Variants in SIGLEC1 observed in about 807,000 individuals in gnomAD.
SIGLEC1 encodes the protein sialoadhesin.
In SIGLEC1, 132 loss-of-function variants were observed where a neutral mutation model predicts 148.0. That is an observed-to-expected ratio of 0.89 (90% CI 0.77 to 1.03). The LOEUF (loss-of-function observed/expected upper bound fraction) is 1.03. Among genes scored for constraint, SIGLEC1 ranks in the 50% least tolerant of loss-of-function variants. SIGLEC1 has a pLI of 0.00. For synonymous variants in SIGLEC1, 945 were observed against 969.0 expected, an observed-to-expected ratio of 0.98 and a Z score of 0.46; for missense variants, 2,253 against 2,271.4, an observed-to-expected ratio of 0.99 and a Z score of 0.16.
rs2088824928 is a variant in SIGLEC1, at chr20:3,696,653, G to A, written c.2616C>T (p.Gly872=). ...EVRELGLGDS[G]SYRCEATNVL... ...CATTTGTGGCCTCACAGCGGTAGCT[G>A]CCAGAGTCCCCAAGGCCCAGTTCTC... The change falls in exon 11 of 22, where the codon GGC becomes GGT. Residue 872 remains glycine, a synonymous_variant. Transcript: ENST00000344754. The A allele has an allele frequency of 1.2e-6, 2 of 1,613,742 alleles. No individual in the cohort carries two copies. Among genetic ancestry groups the A allele is most frequent in the African/African-American group, 2.7e-5 (2 of 74,942 alleles).
rs374871269 is a variant in SIGLEC1, at chr20:3,700,554, G to A, written c.1528+788C>T. Among the ~76,000 whole-genome samples the A allele has an allele frequency of 7.9e-5, 12 of 151,826 alleles. 1 individual carries two copies. The highest frequency in any genetic ancestry group is 2.4e-4 in the African/African-American group (10 of 41,316). ...AGCCATGAACATACCATTGCACTCC[G>A]GCCTGGGCAACAGAGCAACACCCTA... On this transcript the variant is annotated intron_variant, in intron 7 of 21. Transcript: ENST00000344754.
In SIGLEC1 at chr20:3,699,406, T is replaced by G. The variant is rs1381686678; in HGVS notation, c.1582A>C (p.Thr528Pro). The change falls in exon 8 of 22, where the codon ACA (threonine) becomes CCA (proline). Residue 528 changes from threonine to proline, a missense_variant. By Grantham distance (38) the Thr-to-Pro change is conservative. Coordinates refer to ENST00000344754, the MANE Select transcript of SIGLEC1 (RefSeq NM_023068.4). ...AAEVVEGQAV[T>P]LSCRSGLSPT... ...CTTAGGCCGCTTCTGCAGCTCAGTG[T>G]CACTGCCTGTCCTTCCACCACCTCG... 6.8e-6 allele frequency: 11 copies of G among 1,609,688 alleles called. No homozygotes were observed. Among genetic ancestry groups the G allele is most frequent in the Non-Finnish European group, 9.3e-6 (11 of 1,178,784 alleles).
In SIGLEC1 at chr20:3,692,843, G is replaced by A. The variant is rs1786640880; in HGVS notation, c.3778+19C>T. 6.2e-7 allele frequency: 1 copy of A among 1,604,318 alleles called. No homozygotes were observed. The highest frequency in any genetic ancestry group is 8.5e-7 in the Non-Finnish European group (1 of 1,175,988). ...AGTGGGCTTCCATCCCAGTGGGCTT[G>A]GCCTAGGCCCTGCCTTACCCTCCAG... On this transcript the variant is annotated intron_variant, in intron 15 of 21. Coordinates refer to ENST00000344754, the MANE Select transcript of SIGLEC1 (RefSeq NM_023068.4).
Position 3,691,535 on chromosome 20 carries a change from G to A in SIGLEC1, c.4396C>T (p.Arg1466Cys), listed in dbSNP as rs375913210. The A allele has an allele frequency of 2.0e-5, 32 of 1,613,064 alleles. No individual in the cohort carries two copies. Among genetic ancestry groups the A allele is most frequent in the Admixed American group, 8.3e-5 (5 of 59,996 alleles). The change falls in exon 18 of 22, where the codon CGC (arginine) becomes TGC (cysteine). Residue 1466 changes from arginine to cysteine, a missense_variant. Transcript: ENST00000344754. The part of the protein sequence containing the change: ...PEGAALNLSC[R>C]LLGGPGPVGN... ...ACAGGCCCAGGGCCACCCAGGAGGCGGCAGCTGAGGTTCAGGGCAGCGCCC... is the reference window on the plus strand; with the variant it reads ...ACAGGCCCAGGGCCACCCAGGAGGCAGCAGCTGAGGTTCAGGGCAGCGCCC...
In SIGLEC1 at chr20:3,706,053, A is replaced by G. The variant is rs2087891225; in HGVS notation, c.410-13T>C. Reference sequence around the variant, plus strand: ...ACCCTGGGCTCCTCTGAGGACAGAGACAGCAGTGCTCAGGACCCGCTTTTG... The same window carrying G: ...ACCCTGGGCTCCTCTGAGGACAGAGGCAGCAGTGCTCAGGACCCGCTTTTG... On this transcript the variant is annotated splice_polypyrimidine_tract_variant and intron_variant, in intron 3 of 21. Coordinates refer to ENST00000344754, the MANE Select transcript of SIGLEC1 (RefSeq NM_023068.4). The G allele has an allele frequency of 6.2e-7, 1 of 1,607,968 alleles. No individual in the cohort carries two copies. Among genetic ancestry groups the G allele is most frequent in the East Asian group, 2.2e-5 (1 of 44,770 alleles).
At chr20:3,703,578 C>T in intron 5 of SIGLEC1, 127 bp from the exon 6 acceptor site, 1 of 1,272,994 alleles carries the variant, frequency 7.9e-7, no homozygotes, top group Admixed American at 2.6e-5. Flanking sequence ...CCTGCTGCTA[C>T]AGGGGAGCCT....
At chr20:3,693,930 T>C (rs2088793135) in intron 13 of SIGLEC1, among the ~76,000 whole-genome samples, 1 of 152,126 alleles carries the variant, frequency 6.6e-6, no homozygotes, top group Non-Finnish European at 1.5e-5. Context: ...CCTGAGCCCC[T>C]CCCTGACCCT....
At chr20:3,705,355 G>A (rs1250518802) in intron 4 of SIGLEC1, among the ~76,000 whole-genome samples, 4 of 152,118 alleles carry the variant, frequency 2.6e-5, no homozygotes, top group East Asian at 1.9e-4. Context: ...TGTTATCTTC[G>A]TCATAGACTG....
intron 6 of SIGLEC1, 138 bp downstream of exon 6, chr20:3,703,059 G>A (rs763885596): frequency 5.3e-6 from 5 of 936,554 alleles, no homozygotes; most frequent in South Asian, 1.4e-5. Flanking sequence ...GGTGTGCAGA[G>A]CTGGGACATG....
rs780922116 is a variant in SIGLEC1 at position 3,701,333 on chromosome 20, C to A, written c.1528+9G>T. 78 of 1,597,614 alleles carry A rather than the reference C, an allele frequency of 4.9e-5. No homozygotes were observed. Among genetic ancestry groups the A allele is most frequent in the Non-Finnish European group, 6.6e-5 (77 of 1,170,408 alleles). Reference sequence around the variant, plus strand: ...CTCCACTCTCCCTGGCTGCCAGTGCCCATCTTACCATTGGCATGGAAGTCC... The same window carrying A: ...CTCCACTCTCCCTGGCTGCCAGTGCACATCTTACCATTGGCATGGAAGTCC... On this transcript the variant is annotated intron_variant, in intron 7 of 21. Coordinates refer to ENST00000344754, the MANE Select transcript of SIGLEC1 (RefSeq NM_023068.4).
In SIGLEC1 at chr20:3,701,484, G is replaced by A; in HGVS notation, c.1386C>T (p.Ser462=). 1 of 1,614,120 alleles carries A rather than the reference G, an allele frequency of 6.2e-7. No homozygotes were observed. ...LASTSGDSDH[S]PRFSGTSGPN... is the part of the protein sequence containing the mutation. The stretch of plus-strand genomic sequence containing the variant: ...GACCAGAGGTACCACTGAAGCGTGG[G>A]CTGTGATCACTGTCCCCGGAGGTGG... Residue 462 remains serine (S), a synonymous_variant, in exon 7 of 22, where the codon AGC becomes AGT. Coordinates refer to ENST00000344754, the MANE Select transcript of SIGLEC1 (RefSeq NM_023068.4).
rs749812118 is a variant in SIGLEC1 at position 3,697,233 on chromosome 20, C to A, written c.2232G>T (p.Trp744Cys). Residue 744 changes from tryptophan (W) to cysteine (C), a missense_variant, in exon 10 of 22, where the codon TGG (tryptophan) becomes TGT (cysteine). Trp to Cys is a radical substitution (Grantham distance 215, BLOSUM62 -2). Coordinates refer to ENST00000344754, the MANE Select transcript of SIGLEC1 (RefSeq NM_023068.4). Reference protein sequence around the residue: ...EAAGSPANFSWFRNGVLWAQG... With the variant: ...EAAGSPANFSCFRNGVLWAQG... Reference sequence around the variant, plus strand: ...GGGCCCACAGCACCCCATTTCGGAACCAGGAGAAGTTAGCAGGGCTGCCAG... The same window carrying A: ...GGGCCCACAGCACCCCATTTCGGAAACAGGAGAAGTTAGCAGGGCTGCCAG... 3.1e-6 allele frequency: 5 copies of A among 1,613,972 alleles called. No homozygotes were observed. The South Asian group carries it at 5.5e-5, about 18-fold the overall frequency.
chr20:3,690,608 CAGA>C (rs1211055490), intron 18 of SIGLEC1, among the ~76,000 whole-genome samples: 8 of 152,210 alleles, frequency 5.3e-5, no homozygotes, highest in African/African-American at 1.4e-4. Flanking sequence ...GTGTGAACAA[CAGA>C]AGAACTCCCC....
rs376407154 is a variant in SIGLEC1, at chr20:3,696,882, G to A, written c.2387C>T (p.Pro796Leu). Residue 796 changes from proline (P) to leucine (L), a missense_variant, in exon 11 of 22, where the codon CCG (proline) becomes CTG (leucine). Pro to Leu is a moderately conservative substitution (Grantham distance 98, BLOSUM62 -3). Transcript: ENST00000344754. Reference protein sequence around the residue: ...TPVLLSVLYPPDRPKLSALLD... With the variant: ...TPVLLSVLYPLDRPKLSALLD... ...GAGGGCTGACAGCTTTGGACGGTCC[G>A]GGGGATCTGCAGGAACAGAGGGAGC... The A allele has an allele frequency of 1.9e-5, 30 of 1,549,026 alleles. No individual in the cohort carries two copies. Among genetic ancestry groups the A allele is most frequent in the East Asian group, 1.4e-4 (6 of 44,352 alleles).
rs1420126957 is a variant in SIGLEC1 at position 3,705,927 on chromosome 20, A to C, written c.523T>G (p.Trp175Gly). 1.2e-6 allele frequency: 2 copies of C among 1,614,162 alleles called. No individual in the cohort carries two copies. Residue 175 changes from tryptophan (W) to glycine (G), a missense_variant, in exon 4 of 22, where the codon TGG becomes GGG. By Grantham distance (184) the Trp-to-Gly change is radical (BLOSUM62 -2). Transcript: ENST00000344754. ...GAGCGAGCAGGGTCCTGGCCTTGCC[A>C]CTGCAGTCTGACCTGCTCCTGCAGG... ...VCLQEQVRLQ[W>G]QGQDPARSVT...
At position 3,688,369 on chromosome 20, in the gene SIGLEC1, C is replaced by T; in HGVS notation, c.*191G>A. 1.6e-6 allele frequency: 1 copy of T among 642,352 alleles called. No individual in the cohort carries two copies. Among genetic ancestry groups the T allele is most frequent in the Non-Finnish European group, 2.8e-6 (1 of 351,598 alleles). The allele number at this position is 642,352 out of a possible 1,614,324, so 39.8% of individuals were successfully genotyped here. A position where few individuals can be genotyped will look rare whatever the true frequency, so the allele number is the denominator to read the frequency against. The stretch of plus-strand genomic sequence containing the variant: ...CAGTGTCCTCCAGGGTCAACACCCT[C>T]CTGGGCAGACCTCTCACCACCCATT... On this transcript the variant is annotated 3_prime_UTR_variant, in exon 22 of 22. Transcript: ENST00000344754.
rs376399582 is a variant in SIGLEC1 at position 3,703,329 on chromosome 20, G to A, written c.1096C>T (p.Leu366=). ...GTATGGGAGTGGGCATCCTCCAGCA[G>A]GACATGGTTCTTGTACCAGCTGTAG... ...LRYSWYKNHV[L]LEDAHSHTLR... is the part of the protein sequence containing the mutation. The change falls in exon 6 of 22, where the codon CTG becomes TTG. Residue 366 remains leucine (L), a synonymous_variant. Transcript: ENST00000344754. 1 of 1,614,052 alleles carries A rather than the reference G, an allele frequency of 6.2e-7. No individual in the cohort carries two copies. Among genetic ancestry groups the A allele is most frequent in the Admixed American group, 1.7e-5 (1 of 60,006 alleles).
At position 3,694,291 on chromosome 20, in the gene SIGLEC1, C is replaced by T. The variant is rs2088798423; in HGVS notation, c.3186G>A (p.Glu1062=). 6.2e-7 allele frequency: 1 copy of T among 1,613,088 alleles called. No individual in the cohort carries two copies. Among genetic ancestry groups the T allele is most frequent in the Non-Finnish European group, 8.5e-7 (1 of 1,180,024 alleles). The part of the protein sequence containing the change: ...LEIHGAMLED[E]GVYICEASNT... The stretch of plus-strand genomic sequence containing the variant: ...TGGAGGCCTCACAGATATAGACACC[C>T]TCATCCTCCAGCATAGCCCCGTGGA... Residue 1062 remains glutamate, a synonymous_variant, in exon 13 of 22, where the codon GAG becomes GAA. Coordinates refer to ENST00000344754, the MANE Select transcript of SIGLEC1 (RefSeq NM_023068.4).
rs777199996 is a variant in SIGLEC1 at position 3,703,879 on chromosome 20, C to A, written c.919G>T (p.Ala307Ser). The A allele has an allele frequency of 1.2e-6, 2 of 1,614,000 alleles. No individual in the cohort carries two copies. Among genetic ancestry groups the A allele is most frequent in the Non-Finnish European group, 1.7e-6 (2 of 1,180,036 alleles). Residue 307 changes from alanine (A) to serine (S), a missense_variant, in exon 5 of 22, where the codon GCT becomes TCT. Ala to Ser is a moderately conservative substitution (Grantham distance 99). Coordinates refer to ENST00000344754, the MANE Select transcript of SIGLEC1 (RefSeq NM_023068.4). ...WSDAGVYTCQ[A>S]ENGVGSLVSP... is the part of the protein sequence containing the mutation. ...ACCAAAGAGCCCACGCCGTTCTCAG[C>A]TTGGCAGGTGTAGACGCCAGCATCG...
Sources: gnomAD v4.1 joint callset for allele counts (sites outside exome capture counted in the v4.1 genomes callset) on GRCh38, gnomAD v4.1.1 for gene constraint, MANE v1.5 for transcripts, NCBI Gene and HGNC (gene_info 2026-07-23, HGNC 2026-07-21) for gene names.